NRDE2: variants seen among roughly 807,000 people sequenced by gnomAD.
The protein encoded by NRDE2 is NRDE-2, necessary for RNA interference, domain containing.
A neutral mutation model predicts 124.2 loss-of-function variants in NRDE2; 76 were observed. The observed-to-expected ratio is 0.61, with a 90% CI of 0.51 to 0.74. The LOEUF (loss-of-function observed/expected upper bound fraction) is 0.74. Among genes scored for constraint, NRDE2 ranks in the 30% least tolerant of loss-of-function variants. The probability of loss-of-function intolerance (pLI) is 0.00; values close to 1 mark genes in which losing one functional copy is unlikely to be tolerated. For missense variants in NRDE2, 1,314 were observed against 1,417.3 expected (o/e 0.93, Z 1.17); for synonymous variants, 489 against 528.1 (o/e 0.93, Z 1.01).
chr14:90,319,443 A>G (rs1349789457), intron 1 of NRDE2, among the ~76,000 whole-genome samples: 2 of 152,154 alleles, frequency 1.3e-5, no homozygotes, highest in Non-Finnish European at 2.9e-5. Flanking sequence ...TCATCATCCC[A>G]AAACAAAACC....
At chr14:90,325,699 T>C (rs1171362296) in intron 1 of NRDE2, among the ~76,000 whole-genome samples, 1 of 152,066 alleles carries the variant, frequency 6.6e-6, no homozygotes, top group African/African-American at 2.4e-5. Flanking sequence ...CTAGTTTTTG[T>C]TGTTATTATT....
rs577306191 is a variant in NRDE2 at position 90,270,544 on chromosome 14, T to G, written c.*7792A>C. The G allele has an allele frequency of 1.3e-5, 8 of 601,316 alleles. No homozygotes were observed. The African/African-American group carries it at 1.5e-4, about 11-fold the overall frequency. The allele number at this position is 601,316 out of a possible 1,614,324, so 37.2% of individuals were successfully genotyped here. On this transcript the variant is annotated 3_prime_UTR_variant, in exon 14 of 14. Transcript: ENST00000354366. Reference sequence around the variant, plus strand: ...AAGTCATTCTTAATGCATCATTTTATGCAGTGAATGACGCTAAATCACCTG... The same window carrying G: ...AAGTCATTCTTAATGCATCATTTTAGGCAGTGAATGACGCTAAATCACCTG...
At chr14:90,284,305 T>C (rs1055101360) in intron 12 of NRDE2, among the ~76,000 whole-genome samples, 2 of 152,174 alleles carry the variant, frequency 1.3e-5, no homozygotes, top group East Asian at 1.9e-4. Context: ...TCTTCAGATA[T>C]ATACGTAAGA....
intron 1 of NRDE2, among the ~76,000 whole-genome samples, chr14:90,320,991 T>C (rs1371419844): frequency 6.6e-6 from 1 of 152,206 alleles, no homozygotes; most frequent in Non-Finnish European, 1.5e-5. Flanking sequence ...GCAAAAGATA[T>C]GTGAAACTAG....
In NRDE2 at chr14:90,290,601, A is replaced by G; in HGVS notation, c.1849T>C (p.Phe617Leu). ...DCEDPERQVL[F>L]DDIGQSLIRL... ...ATCAAAGATTGCCCAATATCATCAA[A>G]CAACACCTGCAACAAAGACAAAATA... Residue 617 changes from phenylalanine to leucine, a missense_variant, in exon 10 of 14, where the codon TTT becomes CTT. Transcript: ENST00000354366. 6.3e-7 allele frequency: 1 copy of G among 1,598,718 alleles called. No individual in the cohort carries two copies. Among genetic ancestry groups the G allele is most frequent in the Non-Finnish European group, 8.5e-7 (1 of 1,173,294 alleles).
intron 3 of NRDE2, among the ~76,000 whole-genome samples, chr14:90,314,375 C>T (rs998647224): frequency 2.0e-5 from 3 of 152,132 alleles, no homozygotes; most frequent in African/African-American, 7.2e-5. Context: ...GAAGAGAATA[C>T]ATAAGTTAAT....
intron 1 of NRDE2, among the ~76,000 whole-genome samples, chr14:90,326,471 G>C (rs1266629363): frequency 6.7e-6 from 1 of 149,910 alleles, no homozygotes; most frequent in Non-Finnish European, 1.5e-5. Flanking sequence ...TCTGCAGTCC[G>C]GCCTGGGCGA....
intron 8 of NRDE2, among the ~76,000 whole-genome samples, chr14:90,296,695 C>T (rs949116269): frequency 1.2e-4 from 19 of 152,220 alleles, no homozygotes; most frequent in African/African-American, 4.3e-4. Flanking sequence ...CACTCTTTCC[C>T]TATAGAACTT....
intron 11 of NRDE2, among the ~76,000 whole-genome samples, chr14:90,287,157 C>T (rs905329634): frequency 1.3e-5 from 2 of 150,136 alleles, no homozygotes; most frequent in South Asian, 2.1e-4. Context: ...GCAAGGCTCA[C>T]ATAGAGTGAA....
rs548051602 is a variant in NRDE2 at position 90,278,673 on chromosome 14, G to A, written c.3370-212C>T. The A allele has an allele frequency of 7.7e-5, 45 of 584,928 alleles. No homozygotes were observed. The East Asian group carries it at 9.9e-4, about 13-fold the overall frequency. 36.2% of individuals were successfully genotyped at this position (584,928 alleles called of 1,614,324 possible). ...TCGCAAAAGTGAGCAAACGCCAAGC[G>A]AGGCCTTCTCTTTTAAAAGGGGTCC... On this transcript the variant is annotated intron_variant, in intron 13 of 13. Transcript: ENST00000354366.
rs755393461 is a variant in NRDE2 at position 90,302,797 on chromosome 14, A to G, written c.1334T>C (p.Leu445Ser). The part of the protein sequence containing the change: ...SKIHSLYGKC[L>S]STLSAVKDGS... ...GTCCTTAACAGCAGACAAAGTGCTC[A>G]AGCATTTTCCATAAAGACTGTGAAT... The change falls in exon 6 of 14, where the codon TTG (leucine) becomes TCG (serine). Residue 445 changes from leucine to serine, a missense_variant. By Grantham distance (145) the Leu-to-Ser change is moderately radical. Transcript: ENST00000354366. 1 of 1,614,180 alleles carries G rather than the reference A, an allele frequency of 6.2e-7. No individual in the cohort carries two copies. Among genetic ancestry groups the G allele is most frequent in the Non-Finnish European group, 8.5e-7 (1 of 1,180,026 alleles).
intron 6 of NRDE2, 118 bp from the exon 7 acceptor site, chr14:90,301,490 T>C (rs1450293073): frequency 1.2e-6 from 1 of 866,032 alleles, no homozygotes; most frequent in Non-Finnish European, 1.8e-6. Context: ...CAATCACTAT[T>C]AATTTACAAA....
In NRDE2 at chr14:90,269,801, C is replaced by A. The variant is rs1891615892; in HGVS notation, c.*8535G>T. On this transcript the variant is annotated 3_prime_UTR_variant, in exon 14 of 14. Coordinates refer to ENST00000354366, the MANE Select transcript of NRDE2 (RefSeq NM_017970.4). Reference sequence around the variant, plus strand: ...TTCCATAACATTCCCTTTTTAGCCTCAAGAACTTGCTGCTTTTTCTGGAAG... The same window carrying A: ...TTCCATAACATTCCCTTTTTAGCCTAAAGAACTTGCTGCTTTTTCTGGAAG... 2.4e-6 allele frequency: 1 copy of A among 423,638 alleles called. No individual in the cohort carries two copies. Among genetic ancestry groups the A allele is most frequent in the African/African-American group, 2.0e-5 (1 of 49,304 alleles). 26.2% of individuals were successfully genotyped at this position (423,638 alleles called of 1,614,324 possible). A position where few individuals can be genotyped will look rare whatever the true frequency, so the allele number is the denominator to read the frequency against.
intron 4 of NRDE2, among the ~76,000 whole-genome samples, chr14:90,308,085 A>G (rs1884683541): frequency 6.6e-6 from 1 of 152,202 alleles, no homozygotes; most frequent in Non-Finnish European, 1.5e-5. Context: ...AGTGTCTGCC[A>G]TATAGTAAGG....
In NRDE2 at chr14:90,274,851, T is replaced by C. The variant is rs552894171; in HGVS notation, c.*3485A>G. ...ACACACACACACACCCCAATACATA[T>C]GAATTGATCTGAAAGTTTGCTGAGG... On this transcript the variant is annotated 3_prime_UTR_variant, in exon 14 of 14. Coordinates refer to ENST00000354366, the MANE Select transcript of NRDE2 (RefSeq NM_017970.4). The C allele has an allele frequency of 1.1e-4, 16 of 146,100 alleles. No homozygotes were observed. The East Asian group carries it at 1.3e-3, about 12-fold the overall frequency. The allele number at this position is 146,100 out of a possible 1,614,324, so 9.1% of individuals were successfully genotyped here.
At chr14:90,301,537 A>G (rs1250966649) in intron 6 of NRDE2, among the ~76,000 whole-genome samples, 165 bp from the exon 7 acceptor site, 2 of 152,258 alleles carry the variant, frequency 1.3e-5, no homozygotes, top group East Asian at 3.8e-4. Flanking sequence ...CGTCTCACAC[A>G]GTATTATAAT....
At position 90,312,353 on chromosome 14, in the gene NRDE2, A is replaced by C. The variant is rs780609562; in HGVS notation, c.557+41T>G. The C allele has an allele frequency of 2.5e-6, 4 of 1,603,864 alleles. No homozygotes were observed. In the East Asian group the frequency reaches 6.7e-5, roughly 27 times the overall value. On this transcript the variant is annotated intron_variant, in intron 4 of 13. Coordinates refer to ENST00000354366, the MANE Select transcript of NRDE2 (RefSeq NM_017970.4). ...AGAGAGTTCCGAGGAGAAAAAAGTC[A>C]CTTTCCTACAGTGAAAACTGGGGGA... is the stretch of plus-strand genomic sequence containing the variant.
At chr14:90,303,234 C>A in intron 5 of NRDE2, 109 bp from the exon 6 acceptor site, 2 of 976,846 alleles carry the variant, frequency 2.0e-6, no homozygotes, top group Non-Finnish European at 1.5e-6. Context: ...TCTTAAACCA[C>A]CAGTTTGCCA....
intron 8 of NRDE2, among the ~76,000 whole-genome samples, chr14:90,296,376 C>G (rs892081912): frequency 6.6e-6 from 1 of 152,112 alleles, no homozygotes; most frequent in African/African-American, 2.4e-5. Context: ...ATGAATAGTT[C>G]TCATTCTTTT....
Sources: gnomAD v4.1 joint callset for allele counts (sites outside exome capture counted in the v4.1 genomes callset) on GRCh38, gnomAD v4.1.1 for gene constraint, MANE v1.5 for transcripts, NCBI Gene and HGNC (gene_info 2026-07-23, HGNC 2026-07-21) for gene names.